Variants in FGF14 observed in about 807,000 individuals in gnomAD.
FGF14 encodes the protein fibroblast growth factor homologous factor 4.
In FGF14, 5 loss-of-function variants were observed where a neutral mutation model predicts 25.5. The ratio of observed to expected loss-of-function variants is 0.20; its 90% CI spans 0.10 to 0.41. The LOEUF (loss-of-function observed/expected upper bound fraction) is 0.41. Ranked by LOEUF, FGF14 falls within the 10% of genes least tolerant of loss-of-function variation. FGF14 has a pLI of 1.00. For missense variants in FGF14, 222 were observed against 320.1 expected (o/e 0.69, Z 2.34); for synonymous variants, 138 against 118.3 (o/e 1.17, Z -1.08).
chr13:102,013,961 AT>A (rs1255045489), intron 1 of FGF14, among the ~76,000 whole-genome samples: 2 of 152,200 alleles, frequency 1.3e-5, no homozygotes, highest in African/African-American at 4.8e-5. Flanking sequence ...CTAATGTTCA[AT>A]GAGTGATTTC....
At chr13:102,148,910 C>T (rs2046965098) in intron 1 of FGF14, among the ~76,000 whole-genome samples, 1 of 152,202 alleles carries the variant, frequency 6.6e-6, no homozygotes, top group Non-Finnish European at 1.5e-5. Context: ...TTTGTGATCA[C>T]TGACCAGCGC....
chr13:102,393,577 C>T (rs1297602394), intron 1 of FGF14, among the ~76,000 whole-genome samples: 1 of 152,126 alleles, frequency 6.6e-6, no homozygotes, highest in Non-Finnish European at 1.5e-5. Flanking sequence ...AGTGAAGATA[C>T]CCTCCCCTAC....
rs568403261 is a variant in FGF14 at position 102,319,454 on chromosome 13, C to G, written c.208+82017G>C. Among the ~76,000 whole-genome samples the G allele has an allele frequency of 5.3e-5, 8 of 152,308 alleles. No homozygotes were observed. In the East Asian group the frequency reaches 7.7e-4, roughly 15 times the overall value. On this transcript the variant is annotated intron_variant, in intron 1 of 4. Coordinates refer to the FGF14 transcript ENST00000376131. ...AAGTGCCAAGCCTCCTGCCTTCCCCCATCCCTCTCTGGGGCTTGCCCCCAC... is the reference window on the plus strand; with the variant it reads ...AAGTGCCAAGCCTCCTGCCTTCCCCGATCCCTCTCTGGGGCTTGCCCCCAC...
intron 1 of FGF14, among the ~76,000 whole-genome samples, chr13:102,392,832 C>T (rs1261461682): frequency 1.3e-5 from 2 of 152,180 alleles, no homozygotes; most frequent in Non-Finnish European, 2.9e-5. Context: ...TGCTCTTCCT[C>T]CCTGGTCTTT....
At chr13:102,301,941 C>A (rs58677069) in intron 1 of FGF14, among the ~76,000 whole-genome samples, 2 of 151,504 alleles carry the variant, frequency 1.3e-5, no homozygotes, top group African/African-American at 4.9e-5. Flanking sequence ...GAACACATGC[C>A]CACCACCATA....
At chr13:102,364,499 C>T (rs563988757) in intron 1 of FGF14, among the ~76,000 whole-genome samples, 1 of 152,284 alleles carries the variant, frequency 6.6e-6, no homozygotes, top group East Asian at 1.9e-4. Context: ...TTTAGCTCTT[C>T]ACTATTTCAT....
chr13:101,903,916 A>T (rs948068788), intron 1 of FGF14, among the ~76,000 whole-genome samples: 1 of 152,220 alleles, frequency 6.6e-6, no homozygotes, highest in Non-Finnish European at 1.5e-5. Flanking sequence ...CATAGATTGC[A>T]TAGTGTTGAA....
chr13:102,369,024 C>T (rs2057797864), intron 1 of FGF14, among the ~76,000 whole-genome samples: 2 of 152,168 alleles, frequency 1.3e-5, no homozygotes, highest in South Asian at 4.1e-4. Context: ...TATATTATAA[C>T]CTCTCAGTCA....
intron 1 of FGF14, chr13:101,967,770 T>C (rs1008835205): frequency 1.3e-5 from 2 of 154,314 alleles, no homozygotes; most frequent in African/African-American, 2.4e-5. Flanking sequence ...TTGCTCTTGA[T>C]GTCTTTTTAA....
At chr13:102,233,980 T>C (rs909551235) in intron 1 of FGF14, among the ~76,000 whole-genome samples, 6 of 152,222 alleles carry the variant, frequency 3.9e-5, no homozygotes, top group Admixed American at 3.9e-4. Context: ...CCACCTTACA[T>C]GAGGTATCTA....
intron 3 of FGF14, among the ~76,000 whole-genome samples, chr13:101,867,994 A>C (rs1173578167): frequency 6.6e-6 from 1 of 152,024 alleles, no homozygotes; most frequent in Non-Finnish European, 1.5e-5. Flanking sequence ...GATATTTAAC[A>C]ATGACAGAGT....
intron 1 of FGF14, among the ~76,000 whole-genome samples, chr13:102,299,617 T>C (rs1466974961): frequency 6.6e-6 from 1 of 152,110 alleles, no homozygotes; most frequent in African/African-American, 2.4e-5. Context: ...GAGACTTGGC[T>C]GGACAGCGGG....
chr13:102,320,404 C>T (rs887803134), intron 1 of FGF14, among the ~76,000 whole-genome samples: 4 of 152,176 alleles, frequency 2.6e-5, no homozygotes, highest in African/African-American at 9.7e-5. Flanking sequence ...CTTCTGGGCA[C>T]CTCCCTGGCA....
rs540676525 is a variant in FGF14, at chr13:102,198,943, G to A, written c.208+202528C>T. Among the ~76,000 whole-genome samples the A allele has an allele frequency of 4.6e-5, 7 of 152,280 alleles. No individual in the cohort carries two copies. The South Asian group carries it at 8.3e-4, about 18-fold the overall frequency. ...ACTCTTTGTCAAACTCTAAAACTACGACTGCCTCAGTGAAACCCCCAATAT... is the reference window on the plus strand; with the variant it reads ...ACTCTTTGTCAAACTCTAAAACTACAACTGCCTCAGTGAAACCCCCAATAT... On this transcript the variant is annotated intron_variant, in intron 1 of 4. Coordinates refer to the FGF14 transcript ENST00000376131.
chr13:101,815,624 G>T (rs1052139125), intron 3 of FGF14, among the ~76,000 whole-genome samples: 1 of 151,914 alleles, frequency 6.6e-6, no homozygotes, highest in Non-Finnish European at 1.5e-5. Flanking sequence ...ACCAGCACTA[G>T]TGGTGACTCC....
At chr13:102,312,107 A>G (rs151143434) in intron 1 of FGF14, among the ~76,000 whole-genome samples, 26 of 152,228 alleles carry the variant, frequency 1.7e-4, no homozygotes, top group African/African-American at 5.3e-4. Flanking sequence ...CCTATCTGCT[A>G]AAGTATTCCA....
At chr13:102,199,740 A>T (rs2049528479) in intron 1 of FGF14, among the ~76,000 whole-genome samples, 1 of 152,106 alleles carries the variant, frequency 6.6e-6, no homozygotes, top group Non-Finnish European at 1.5e-5. Context: ...CACTCATGTA[A>T]TCCAATCCTT....
Position 101,966,927 on chromosome 13 carries a change from G to A in FGF14, c.209-91631C>T, listed in dbSNP as rs183670531. ...CTCATATAATGAAAGAAACTTAAAG[G>A]AATGCCTAAGAATATTACTCTACGA... is the stretch of plus-strand genomic sequence containing the variant. On this transcript the variant is annotated intron_variant, in intron 1 of 4. Coordinates refer to the FGF14 transcript ENST00000376131. Among the ~76,000 whole-genome samples, 7 of 152,248 alleles carry A rather than the reference G, an allele frequency of 4.6e-5. No individual in the cohort carries two copies. In the East Asian group the frequency reaches 1.2e-3, roughly 25 times the overall value.
At chr13:101,946,113 T>C (rs973628845) in intron 1 of FGF14, among the ~76,000 whole-genome samples, 5 of 152,160 alleles carry the variant, frequency 3.3e-5, no homozygotes, top group Admixed American at 3.3e-4. Context: ...AAAGTCACCT[T>C]GGGTTGGGGC....
Sources: gnomAD v4.1 joint callset for allele counts (sites outside exome capture counted in the v4.1 genomes callset) on GRCh38, gnomAD v4.1.1 for gene constraint, MANE v1.5 for transcripts, NCBI Gene and HGNC (gene_info 2026-07-23, HGNC 2026-07-21) for gene names.